Variants in LLGL1 observed in about 807,000 individuals in gnomAD.
The protein encoded by LLGL1 is LLGL scribble cell polarity complex component 1, also known as lethal(2) giant larvae protein homolog 1.
LLGL1 carries 58 observed loss-of-function variants against 110.6 expected under a neutral mutation model. The ratio of observed to expected loss-of-function variants is 0.52; its 90% CI spans 0.42 to 0.65. LLGL1 has a LOEUF of 0.65. LLGL1 is among the 30% of genes least tolerant of loss of function. LLGL1 has a pLI of 0.00. For synonymous variants in LLGL1, 674 were observed against 607.2 expected (o/e 1.11, Z -1.62); for missense variants, 1,229 against 1,462.1 (o/e 0.84, Z 2.60).
At chr17:18,228,513 G>A (rs1017273556) in intron 1 of LLGL1, among the ~76,000 whole-genome samples, 27 of 152,338 alleles carry the variant, frequency 1.8e-4, no homozygotes, top group Non-Finnish European at 3.5e-4. Context: ...GTGGGGCCTG[G>A]AGCAGGGAGG....
rs1286923985 is a variant in LLGL1, at chr17:18,236,479, AAGT to A, written c.1353-125_1353-123del. Reference sequence around the variant, plus strand: ...AGTAGGTGCCTATTGTTTTTTGTAAAAGTAGGATTCCGGTCAGTGTTTGGCACG... The same window carrying A: ...AGTAGGTGCCTATTGTTTTTTGTAAAAGGATTCCGGTCAGTGTTTGGCACG... On this transcript the variant is annotated intron_variant, in intron 11 of 22. Coordinates refer to ENST00000316843, the MANE Select transcript of LLGL1 (RefSeq NM_004140.4). 1.3e-5 allele frequency: 12 copies of A among 902,264 alleles called. No homozygotes were observed. In the East Asian group the frequency reaches 2.9e-4, roughly 22 times the overall value. The allele number at this position is 902,264 out of a possible 1,614,324, so 55.9% of individuals were successfully genotyped here. A position where few individuals can be genotyped will look rare whatever the true frequency, so the allele number is the denominator to read the frequency against.
At chr17:18,235,371 C>A (rs2047669799) in intron 10 of LLGL1, 59 bp downstream of exon 10, 2 of 1,604,108 alleles carry the variant, frequency 1.2e-6, no homozygotes, top group South Asian at 2.2e-5. Flanking sequence ...GGGAGAGTTT[C>A]AGTTCTAAGC....
Position 18,234,962 on chromosome 17 carries a change from C to T in LLGL1, c.1029C>T (p.Phe343=), listed in dbSNP as rs2047658591. ...ACTTCACTTCCCGCATCATCGACTT[C>T]TTCACAGTGCACAGCACACGGCCCG... The part of the protein sequence containing the change: ...TLDFTSRIID[F]FTVHSTRPED... The change falls in exon 9 of 23, where the codon TTC becomes TTT. Residue 343 remains phenylalanine, a synonymous_variant. Transcript: ENST00000316843. 6.2e-7 allele frequency: 1 copy of T among 1,614,066 alleles called. No individual in the cohort carries two copies. Among genetic ancestry groups the T allele is most frequent in the East Asian group, 2.2e-5 (1 of 44,882 alleles).
chr17:18,235,333 G>T (rs367968507), intron 10 of LLGL1, 21 bp downstream of exon 10: 6 of 1,608,038 alleles, frequency 3.7e-6, no homozygotes, highest in Admixed American at 1.7e-5. Context: ...CGATCAGGGG[G>T]GTCTTACAGG....
intron 1 of LLGL1, 27 bp downstream of exon 1, chr17:18,225,790 CGGGCGGGAGG>C: frequency 7.6e-6 from 2 of 261,676 alleles, no homozygotes; most frequent in Non-Finnish European, 5.6e-6. Context: ...GGCCCGGGCT[CGGGCGGGAGG>C]GGGCGGGACG....
intron 17 of LLGL1, 67 bp from the exon 18 acceptor site, chr17:18,241,384 C>G: frequency 6.5e-7 from 1 of 1,539,264 alleles, no homozygotes; most frequent in Non-Finnish European, 8.8e-7. Flanking sequence ...TCAGCAGCCA[C>G]GAGGGTGAGG....
Position 18,234,040 on chromosome 17 carries a change from G to A in LLGL1, c.579G>A (p.Lys193=), listed in dbSNP as rs1240600646. The A allele has an allele frequency of 6.3e-7, 1 of 1,595,538 alleles. No homozygotes were observed. Among genetic ancestry groups the A allele is most frequent in the Non-Finnish European group, 8.6e-7 (1 of 1,167,492 alleles). Reference sequence around the variant, plus strand: ...TGCCAGACGACTACCGCTGTGGGAAGGCACTGGGCCCCGTGGAGTCACTCC... The same window carrying A: ...TGCCAGACGACTACCGCTGTGGGAAAGCACTGGGCCCCGTGGAGTCACTCC... ...RSVPDDYRCG[K]ALGPVESLQG... is the part of the protein sequence containing the mutation. Residue 193 remains lysine, a synonymous_variant, in exon 6 of 23, where the codon AAG becomes AAA. Coordinates refer to ENST00000316843, the MANE Select transcript of LLGL1 (RefSeq NM_004140.4).
At chr17:18,242,871 C>G in intron 22 of LLGL1, 49 bp downstream of exon 22, 2 of 1,483,892 alleles carry the variant, frequency 1.3e-6, no homozygotes, top group African/African-American at 1.4e-5. Flanking sequence ...ACGTCCACCC[C>G]CTTCAGCCCG....
intron 20 of LLGL1, 93 bp from the exon 21 acceptor site, chr17:18,242,415 A>T (rs2047860767): frequency 5.1e-6 from 8 of 1,580,106 alleles, no homozygotes; most frequent in Non-Finnish European, 6.9e-6. Flanking sequence ...GCCACCCCTC[A>T]CCATGGGCTG....
At chr17:18,239,675 A>T (rs561083289) in intron 16 of LLGL1, among the ~76,000 whole-genome samples, 1 of 151,200 alleles carries the variant, frequency 6.6e-6, no homozygotes, top group African/African-American at 2.4e-5. Context: ...GATGCCATTT[A>T]TTTGTCGAGG....
intron 1 of LLGL1, among the ~76,000 whole-genome samples, chr17:18,229,172 A>G (rs1265881761): frequency 6.6e-6 from 1 of 152,134 alleles, no homozygotes; most frequent in Non-Finnish European, 1.5e-5. Context: ...CAGCCAGGCC[A>G]AAGACAGGAG....
chr17:18,241,198 G>A (rs746822817), intron 17 of LLGL1: 2 of 602,846 alleles, frequency 3.3e-6, no homozygotes, highest in South Asian at 4.2e-5. Context: ...GTTTGATGGG[G>A]ATACCAGCTG....
rs1261651661 is a variant in LLGL1 at position 18,235,246 on chromosome 17, CA to C, written c.1220del (p.Lys407SerfsTer7). 6.2e-7 allele frequency: 1 copy of C among 1,610,716 alleles called. No homozygotes were observed. Among genetic ancestry groups the C allele is most frequent in the African/African-American group, 1.3e-5 (1 of 74,948 alleles). On this transcript the variant is annotated frameshift_variant, in exon 10 of 23. Transcript: ENST00000316843. LOFTEE classifies it high-confidence loss of function. The part of the protein sequence containing the change: ...CSAHVASVPA[K>X]LWARIVSAGE... Reference sequence around the variant, plus strand: ...CGGCCCACGTGGCCAGTGTCCCCGCCAAGCTGTGGGCCCGCATTGTGAGCGC... The same window carrying C: ...CGGCCCACGTGGCCAGTGTCCCCGCCAGCTGTGGGCCCGCATTGTGAGCGC...
chr17:18,241,888 T>G lies in LLGL1; in HGVS notation c.2771T>G (p.Phe924Cys). ...SCVFTRHGQG[F>C]YLISPSEFER... is the part of the protein sequence containing the mutation. The stretch of plus-strand genomic sequence containing the variant: ...CCTCATTCTTCTGCCCACCCAGGCT[T>G]TTACCTGATATCCCCATCAGAATTT... Residue 924 changes from phenylalanine to cysteine, a missense_variant, in exon 19 of 23, where the codon TTT becomes TGT. Phe to Cys is a radical substitution (Grantham distance 205). Transcript: ENST00000316843. 1.2e-6 allele frequency: 2 copies of G among 1,613,084 alleles called. No individual in the cohort carries two copies. The highest frequency in any genetic ancestry group is 1.7e-6 in the Non-Finnish European group (2 of 1,179,054).
Position 18,237,705 on chromosome 17 carries a change from C to T in LLGL1, c.1836C>T (p.Leu612=), listed in dbSNP as rs149775273. Residue 612 remains leucine, a synonymous_variant, in exon 14 of 23, where the codon CTC becomes CTT. Transcript: ENST00000316843. ...TAVTLHTEWS[L]VAFGTSHGFG... is the part of the protein sequence containing the mutation. Reference sequence around the variant, plus strand: ...TCACACTCCACACCGAGTGGAGCCTCGTGGCTTTTGGCACCAGTCATGGCT... The same window carrying T: ...TCACACTCCACACCGAGTGGAGCCTTGTGGCTTTTGGCACCAGTCATGGCT... 5.6e-6 allele frequency: 9 copies of T among 1,612,910 alleles called. No homozygotes were observed. The highest frequency in any genetic ancestry group is 4.0e-5 in the African/African-American group (3 of 74,930).
intron 22 of LLGL1, among the ~76,000 whole-genome samples, chr17:18,243,338 A>T (rs2047894932): frequency 2.0e-5 from 3 of 152,068 alleles, no homozygotes. Context: ...CGATCTCCTG[A>T]CCTCATGATC....
intron 1 of LLGL1, 54 bp from the exon 2 acceptor site, chr17:18,229,887 C>T: frequency 7.5e-7 from 1 of 1,330,054 alleles, no homozygotes; most frequent in Non-Finnish European, 1.0e-6. Context: ...CAGGGTGGGC[C>T]ATGGCAGAGG....
chr17:18,242,165 G>C lies in LLGL1; in HGVS notation c.2883-1G>C. The stretch of plus-strand genomic sequence containing the variant: ...TCCCCATCATGGCCCCATCTCTGCA[G>C]TTACAGGATCCGAGAGTCACCCAAG... On this transcript the variant is annotated splice_acceptor_variant, in intron 19 of 22. Transcript: ENST00000316843. LOFTEE classifies it high-confidence loss of function. 28 of 1,613,158 alleles carry C rather than the reference G, an allele frequency of 1.7e-5. No individual in the cohort carries two copies. The highest frequency in any genetic ancestry group is 2.4e-5 in the Non-Finnish European group (28 of 1,179,234).
At chr17:18,229,769 T>A (rs939418701) in intron 1 of LLGL1, among the ~76,000 whole-genome samples, 172 bp from the exon 2 acceptor site, 1 of 152,144 alleles carries the variant, frequency 6.6e-6, no homozygotes. Flanking sequence ...ACTGGAGGCA[T>A]GATAACCCAT....
Sources: gnomAD v4.1 joint callset for allele counts (sites outside exome capture counted in the v4.1 genomes callset) on GRCh38, gnomAD v4.1.1 for gene constraint, MANE v1.5 for transcripts, NCBI Gene and HGNC (gene_info 2026-07-23, HGNC 2026-07-21) for gene names.